The following BRAT1 variants were observed in gnomAD, a reference collection of about 807,000 sequenced individuals.
BRAT1 encodes the protein BRCA1 associated ATM activator 1.
Under a neutral mutation model 70.6 loss-of-function variants are expected in BRAT1, and 74 were observed. That is an observed-to-expected ratio of 1.05 (90% CI 0.87 to 1.27). The LOEUF (loss-of-function observed/expected upper bound fraction) is 1.27. Ranked by LOEUF, BRAT1 falls within the 50% of genes most tolerant of loss-of-function variation. BRAT1 has a pLI of 0.00. For synonymous variants in BRAT1, 615 were observed against 517.1 expected, an observed-to-expected ratio of 1.19 and a Z score of -2.57; for missense variants, 1,203 against 1,098.2, an observed-to-expected ratio of 1.10 and a Z score of -1.35.
intron 2 of BRAT1, among the ~76,000 whole-genome samples, chr7:2,547,868 A>C (rs993528483): frequency 1.3e-5 from 2 of 152,098 alleles, no homozygotes; most frequent in Non-Finnish European, 2.9e-5. Flanking sequence ...TGGTCACTTG[A>C]GCTCAGGAGT....
At chr7:2,539,087 G>A (rs555765988) in intron 13 of BRAT1, 92 bp downstream of exon 13, 37 of 1,499,624 alleles carry the variant, frequency 2.5e-5, no homozygotes, top group African/African-American at 1.9e-4. Flanking sequence ...CTGCTCCCAC[G>A]CTGCATGCTG....
rs1298818139 is a variant in BRAT1 at position 2,541,231 on chromosome 7, T to C, written c.1321+67A>G. On this transcript the variant is annotated intron_variant, in intron 9 of 13. Transcript: ENST00000340611. ...AGAGGGACAGCAGTTCCCGGGTGCC[T>C]CCGAGCAGAAAGGAGAGTGGGGGCA... 10 of 1,499,866 alleles carry C rather than the reference T, an allele frequency of 6.7e-6. No individual in the cohort carries two copies. The Admixed American group carries it at 2.3e-4, about 34-fold the overall frequency. The allele number at this position is 1,499,866 out of a possible 1,614,324, so 92.9% of individuals were successfully genotyped here.
rs1379811635 is a variant in BRAT1 at position 2,541,792 on chromosome 7, G to C, written c.1060C>G (p.Leu354Val). Residue 354 changes from leucine (L) to valine (V), a missense_variant, in exon 8 of 14, where the codon CTC (leucine) becomes GTC (valine). Leu to Val is a conservative substitution (Grantham distance 32). Transcript: ENST00000340611. ...TADDATTVDT[L>V]LASKSSCAGL... is the part of the protein sequence containing the mutation. ...GCGCAGGACGACTTGGAGGCCAGGAGTGTGTCCACCGTCGTGGCATCGTCT... is the reference window on the plus strand; with the variant it reads ...GCGCAGGACGACTTGGAGGCCAGGACTGTGTCCACCGTCGTGGCATCGTCT... 3 of 1,612,880 alleles carry C rather than the reference G, an allele frequency of 1.9e-6. No individual in the cohort carries two copies. The highest frequency in any genetic ancestry group is 2.5e-6 in the Non-Finnish European group (3 of 1,179,922).
In BRAT1 at chr7:2,545,496, C is replaced by CTTCTTCTT. The variant is rs1554296640; in HGVS notation, c.283-441_283-440insAAGAAGAA. Among the ~76,000 whole-genome samples, 14 of 130,008 alleles carry CTTCTTCTT rather than the reference C, an allele frequency of 1.1e-4. No individual in the cohort carries two copies. In the South Asian group the frequency reaches 2.0e-3, roughly 19 times the overall value. 85.3% of individuals were successfully genotyped at this position (130,008 alleles called of 152,430 possible). A position where few individuals can be genotyped will look rare whatever the true frequency, so the allele number is the denominator to read the frequency against. On this transcript the variant is annotated intron_variant, in intron 3 of 13. Coordinates refer to ENST00000340611, the MANE Select transcript of BRAT1 (RefSeq NM_152743.4). ...TACTTCTGGAGGACACTTTCTTCTT[C>CTTCTTCTT]TTTTTTTTTTTTTTGAGACAGTCCC...
At chr7:2,541,635 G>T (rs1779172901) in intron 8 of BRAT1, 83 bp downstream of exon 8, 2 of 1,480,624 alleles carry the variant, frequency 1.4e-6, no homozygotes, top group Non-Finnish European at 1.8e-6. Context: ...GGGGCAGCAA[G>T]GGGTGGGGGG....
At chr7:2,547,588 G>A in intron 2 of BRAT1, 110 bp from the exon 3 acceptor site, 2 of 1,211,568 alleles carry the variant, frequency 1.7e-6, no homozygotes, top group Non-Finnish European at 2.3e-6. Flanking sequence ...CAGGGTGTTA[G>A]ATTTAGGGAT....
intron 2 of BRAT1, among the ~76,000 whole-genome samples, chr7:2,552,081 A>AATACATATATATATATATATATATAT (rs1198193898): frequency 4.3e-5 from 1 of 23,384 alleles, no homozygotes; most frequent in African/African-American, 2.1e-4. Context: ...CATAGTCTTA[A>AATACATATATATATATATATATATAT]ATATATATAT....
intron 2 of BRAT1, among the ~76,000 whole-genome samples, chr7:2,552,770 G>A (rs1192388322): frequency 2.0e-5 from 3 of 149,960 alleles, no homozygotes; most frequent in African/African-American, 7.4e-5. Flanking sequence ...ACGGAATCTC[G>A]CTCTGTCGCC....
At chr7:2,539,935 A>G (rs755683091) in intron 10 of BRAT1, 47 bp from the exon 11 acceptor site, 29 of 1,354,122 alleles carry the variant, frequency 2.1e-5, no homozygotes, top group Non-Finnish European at 2.7e-5. Context: ...ACGGAGGGGC[A>G]GGCTGTCTGT....
intron 9 of BRAT1, 72 bp downstream of exon 9, chr7:2,541,226 G>C: frequency 6.7e-7 from 1 of 1,498,796 alleles, no homozygotes; most frequent in South Asian, 1.3e-5. Flanking sequence ...CAGTTCCCGG[G>C]TGCCTCCGAG....
intron 2 of BRAT1, among the ~76,000 whole-genome samples, chr7:2,552,110 T>TG (rs1562593829): frequency 1.4e-4 from 4 of 27,734 alleles, no homozygotes; most frequent in Non-Finnish European, 2.7e-4. Flanking sequence ...ATATATATTT[T>TG]TTTTTTTTTT....
intron 2 of BRAT1, among the ~76,000 whole-genome samples, chr7:2,549,675 GAA>G (rs1779859383): frequency 6.6e-6 from 1 of 152,122 alleles, no homozygotes; most frequent in Non-Finnish European, 1.5e-5. Context: ...TCTGTTAAAA[GAA>G]AGAGTTGCTG....
chr7:2,552,109 T>TTG (rs1780082330), intron 2 of BRAT1, among the ~76,000 whole-genome samples: 1 of 49,010 alleles, frequency 2.0e-5, no homozygotes, highest in Non-Finnish European at 4.3e-5. Flanking sequence ...TATATATATT[T>TTG]TTTTTTTTTT....
rs1161231705 is a variant in BRAT1, at chr7:2,544,891, G to C, written c.430+18C>G. The C allele has an allele frequency of 6.5e-7, 1 of 1,548,142 alleles. No homozygotes were observed. Among genetic ancestry groups the C allele is most frequent in the African/African-American group, 1.4e-5 (1 of 72,948 alleles). On this transcript the variant is annotated intron_variant, in intron 4 of 13. Coordinates refer to ENST00000340611, the MANE Select transcript of BRAT1 (RefSeq NM_152743.4). ...CACAGGCAGGATGAGGAATGGGGTG[G>C]GGTGTGGGCGCACTCACCATGGTCG...
chr7:2,544,116 A>C, intron 4 of BRAT1, 154 bp from the exon 5 acceptor site: 1 of 562,466 alleles, frequency 1.8e-6, no homozygotes, highest in Non-Finnish European at 2.9e-6. Flanking sequence ...ACAGGAACTG[A>C]AGCTCCCTGG....
intron 4 of BRAT1, among the ~76,000 whole-genome samples, chr7:2,544,412 G>C (rs1484537536): frequency 6.6e-6 from 1 of 152,064 alleles, no homozygotes; most frequent in African/African-American, 2.4e-5. Context: ...ATGTTGGCCA[G>C]GCTGGTCTTG....
intron 2 of BRAT1, among the ~76,000 whole-genome samples, chr7:2,550,467 C>CAAAAAAAAAAAAAAAAAAAAA (rs71550358): frequency 3.1e-5 from 1 of 32,678 alleles, no homozygotes; most frequent in Non-Finnish European, 5.7e-5. Flanking sequence ...GACTCCATCT[C>CAAAAAAAAAAAAAAAAAAAAA]AAAAAAAAAA....
intron 4 of BRAT1, among the ~76,000 whole-genome samples, chr7:2,544,660 C>A (rs1446952066): frequency 6.6e-6 from 1 of 152,218 alleles, no homozygotes; most frequent in Admixed American, 6.5e-5. Flanking sequence ...ATCACCACGC[C>A]TGGCTCCCAA....
chr7:2,543,998 G>T lies in BRAT1; in HGVS notation c.431-36C>A. The T allele has an allele frequency of 6.6e-7, 1 of 1,512,976 alleles. No individual in the cohort carries two copies. Among genetic ancestry groups the T allele is most frequent in the South Asian group, 1.3e-5 (1 of 78,130 alleles). The allele number at this position is 1,512,976 out of a possible 1,614,324, so 93.7% of individuals were successfully genotyped here. On this transcript the variant is annotated intron_variant, in intron 4 of 13. Coordinates refer to ENST00000340611, the MANE Select transcript of BRAT1 (RefSeq NM_152743.4). This position sits in a 1 kb window ranked among gnomAD's most constrained non-coding sequence, Gnocchi z 5.5. ...GATGGGGGAAGAGAGGGAAAAGGGG[G>T]TGAGCCAGAATAGAGCTGGGGGAGG...
Sources: allele counts gnomAD v4.1 joint callset (sites outside exome capture counted in the v4.1 genomes callset), GRCh38; gene constraint gnomAD v4.1.1; non-coding constraint Gnocchi (gnomAD v3.1); transcripts MANE v1.5; gene names NCBI Gene and HGNC (gene_info 2026-07-23, HGNC 2026-07-21).